Variants in SERINC3 observed in about 807,000 individuals in gnomAD.
The protein encoded by SERINC3 is tumor differentially expressed protein 1.
Under a neutral mutation model 52.1 loss-of-function variants are expected in SERINC3, and 22 were observed. The ratio of observed to expected loss-of-function variants is 0.42; its 90% CI spans 0.30 to 0.60. The LOEUF is 0.60. SERINC3 is among the 20% of genes least tolerant of loss of function. The pLI, the probability that SERINC3 is intolerant of heterozygous loss-of-function variation, is 0.16. For missense variants in SERINC3, 564 were observed against 584.6 expected (o/e 0.96, Z 0.36); for synonymous variants, 226 against 212.7 (o/e 1.06, Z -0.54).
chr20:44,520,171 T>C lies in SERINC3; in HGVS notation c.39+1742A>G, dbSNP rs545372169. 3.3e-5 allele frequency among the ~76,000 whole-genome samples: 5 copies of C among 152,152 alleles called. No homozygotes were observed. In the East Asian group the frequency reaches 9.7e-4, roughly 29 times the overall value. ...GGCATGGTGGCTCACACCCCAGGAG[T>C]TCGAGACCAGCCTGGCCAACATGGC... On this transcript the variant is annotated intron_variant, in intron 1 of 9. Coordinates refer to ENST00000342374, the MANE Select transcript of SERINC3 (RefSeq NM_006811.4).
chr20:44,499,051 T>A lies in SERINC3; in HGVS notation c.*1245A>T, dbSNP rs1284767885. 6.6e-6 allele frequency: 1 copy of A among 152,234 alleles called. No individual in the cohort carries two copies. The allele number at this position is 152,234 out of a possible 1,614,324, so 9.4% of individuals were successfully genotyped here. On this transcript the variant is annotated 3_prime_UTR_variant, in exon 10 of 10. Coordinates refer to ENST00000342374, the MANE Select transcript of SERINC3 (RefSeq NM_006811.4). ...TACCTCTCCTTTGAGTTCTCTCCAA[T>A]TCCTAAACCACAGCACTAATTCACA...
At chr20:44,515,661 T>TA (rs1450697910) in intron 1 of SERINC3, among the ~76,000 whole-genome samples, 1 of 151,854 alleles carries the variant, frequency 6.6e-6, no homozygotes, top group African/African-American at 2.4e-5. Flanking sequence ...TTTTTTATTT[T>TA]TTTTTTTTTG....
At chr20:44,503,332 G>A (rs747440118) in intron 8 of SERINC3, among the ~76,000 whole-genome samples, 1 of 152,166 alleles carries the variant, frequency 6.6e-6, no homozygotes, top group African/African-American at 2.4e-5. Context: ...CAAATTTGGA[G>A]GACTCATACT....
intron 3 of SERINC3, among the ~76,000 whole-genome samples, chr20:44,512,242 G>C (rs1457727323): frequency 2.0e-5 from 3 of 151,560 alleles, no homozygotes; most frequent in African/African-American, 7.3e-5. Context: ...GAACCCGGGA[G>C]GGGGAGGTTG....
At chr20:44,507,955 G>A (rs1352496994) in intron 5 of SERINC3, among the ~76,000 whole-genome samples, 19 of 152,186 alleles carry the variant, frequency 1.2e-4, no homozygotes, top group Admixed American at 9.8e-4. Context: ...CCAACTGCAA[G>A]AATGATGAGC....
At chr20:44,518,413 GA>G (rs1274255957) in intron 1 of SERINC3, among the ~76,000 whole-genome samples, 10 of 144,816 alleles carry the variant, frequency 6.9e-5, no homozygotes, top group African/African-American at 1.0e-4. Context: ...AGATGCAGAG[GA>G]AAAAAAAAAG....
intron 8 of SERINC3, 30 bp downstream of exon 8, chr20:44,503,785 A>C: frequency 6.8e-7 from 1 of 1,475,162 alleles, no homozygotes; most frequent in Non-Finnish European, 9.0e-7. Context: ...ACCTCCATGA[A>C]AATCTTGTTC....
chr20:44,516,276 T>C (rs2064380203), intron 1 of SERINC3, among the ~76,000 whole-genome samples: 1 of 152,082 alleles, frequency 6.6e-6, no homozygotes, highest in Non-Finnish European at 1.5e-5. Flanking sequence ...CACTCCAGCC[T>C]GGGCGACAGA....
intron 8 of SERINC3, 119 bp downstream of exon 8, chr20:44,503,696 T>G: frequency 1.3e-6 from 1 of 782,168 alleles, no homozygotes; most frequent in Non-Finnish European, 2.0e-6. Context: ...AGTAAAGAAC[T>G]TTTCATTAAA....
intron 6 of SERINC3, among the ~76,000 whole-genome samples, chr20:44,505,758 G>A (rs573945671): frequency 6.6e-6 from 1 of 151,152 alleles, no homozygotes; most frequent in East Asian, 2.0e-4. Context: ...GCGCCCCCAC[G>A]CCTAGCTAAT....
intron 5 of SERINC3, among the ~76,000 whole-genome samples, chr20:44,507,962 G>GAGCT (rs1311957246): frequency 1.3e-5 from 2 of 152,198 alleles, no homozygotes; most frequent in Non-Finnish European, 2.9e-5. Context: ...CAAGAATGAT[G>GAGCT]AGCTCAGCTA....
intron 3 of SERINC3, among the ~76,000 whole-genome samples, chr20:44,511,585 C>A (rs1216152148): frequency 6.6e-6 from 1 of 152,200 alleles, no homozygotes; most frequent in East Asian, 1.9e-4. Context: ...AAATCACTCA[C>A]ATTTATTACC....
At chr20:44,518,693 A>G (rs1039784508) in intron 1 of SERINC3, among the ~76,000 whole-genome samples, 1 of 152,134 alleles carries the variant, frequency 6.6e-6, no homozygotes, top group Non-Finnish European at 1.5e-5. Context: ...GGCTGGGTGC[A>G]GTGGCTCACA....
intron 3 of SERINC3, 64 bp from the exon 4 acceptor site, chr20:44,511,432 A>T (rs2064347097): frequency 4.9e-6 from 5 of 1,023,148 alleles, no homozygotes; most frequent in Non-Finnish European, 7.5e-6. Flanking sequence ...AGAAAAATTC[A>T]TTTCTGAAAT....
At chr20:44,507,506 G>C (rs2064322196) in intron 5 of SERINC3, among the ~76,000 whole-genome samples, 2 of 152,190 alleles carry the variant, frequency 1.3e-5, no homozygotes, top group African/African-American at 4.8e-5. Flanking sequence ...CCCTGAACTG[G>C]AAAAGTGGCT....
intron 4 of SERINC3, among the ~76,000 whole-genome samples, chr20:44,510,556 G>A (rs1450188220): frequency 6.6e-6 from 1 of 152,216 alleles, no homozygotes; most frequent in Non-Finnish European, 1.5e-5. Context: ...GCTCACACCT[G>A]TAATCCCAGC....
At chr20:44,519,740 T>G (rs2064403725) in intron 1 of SERINC3, among the ~76,000 whole-genome samples, 1 of 151,414 alleles carries the variant, frequency 6.6e-6, no homozygotes, top group African/African-American at 2.4e-5. Flanking sequence ...GAGCTATGAC[T>G]GAGCCACTGC....
intron 1 of SERINC3, chr20:44,519,483 TG>T (rs1274971349): frequency 1.9e-6 from 1 of 531,792 alleles, no homozygotes; most frequent in Non-Finnish European, 2.4e-6. Flanking sequence ...TGTCTCTATA[TG>T]GGTGCATCAG....
At chr20:44,519,762 G>A (rs915971144) in intron 1 of SERINC3, among the ~76,000 whole-genome samples, 2 of 151,786 alleles carry the variant, frequency 1.3e-5, no homozygotes, top group African/African-American at 4.8e-5. Flanking sequence ...CTCCAGCCTG[G>A]GTGACAGAGC....
Sources: allele counts gnomAD v4.1 joint callset (sites outside exome capture counted in the v4.1 genomes callset), GRCh38; gene constraint gnomAD v4.1.1; transcripts MANE v1.5; gene names NCBI Gene and HGNC (gene_info 2026-07-23, HGNC 2026-07-21).